PPP2R3A: variants seen among roughly 807,000 people sequenced by gnomAD.
The protein encoded by PPP2R3A is protein phosphatase 2 regulatory subunit B''alpha.
Under a neutral mutation model 106.9 loss-of-function variants are expected in PPP2R3A, and 80 were observed. That is an observed-to-expected ratio of 0.75 (90% CI 0.62 to 0.90). The LOEUF (loss-of-function observed/expected upper bound fraction) is 0.90, where lower values mean the gene tolerates loss of function less well. Among genes scored for constraint, PPP2R3A ranks in the 40% least tolerant of loss-of-function variants. The pLI, the probability that PPP2R3A is intolerant of heterozygous loss-of-function variation, is 0.00. For synonymous variants in PPP2R3A, 483 were observed against 468.3 expected (o/e 1.03, Z -0.41); for missense variants, 1,386 against 1,350.4 (o/e 1.03, Z -0.41).
At chr3:136,105,319 T>C (rs1020019841) in intron 12 of PPP2R3A, among the ~76,000 whole-genome samples, 9 of 152,224 alleles carry the variant, frequency 5.9e-5, no homozygotes, top group African/African-American at 2.2e-4. Context: ...GAAATGTCTC[T>C]GATTACAAGG....
chr3:136,026,788 A>G, intron 2 of PPP2R3A, 44 bp from the exon 3 acceptor site: 1 of 1,516,238 alleles, frequency 6.6e-7, no homozygotes, highest in South Asian at 1.3e-5. Context: ...GTAAATGAAT[A>G]CTGTTTAAAT....
intron 2 of PPP2R3A, among the ~76,000 whole-genome samples, chr3:136,005,009 G>A (rs549086467): frequency 6.6e-6 from 1 of 152,256 alleles, no homozygotes; most frequent in South Asian, 2.1e-4. Context: ...ATTGTCATCA[G>A]ATGAATCTTT....
chr3:135,987,189 A>G (rs1356216492), intron 1 of PPP2R3A, among the ~76,000 whole-genome samples: 1 of 152,178 alleles, frequency 6.6e-6, no homozygotes, highest in Non-Finnish European at 1.5e-5. Context: ...TTGTATACTA[A>G]CAAGTTAGTA....
At chr3:136,099,309 A>G (rs1937297649) in intron 10 of PPP2R3A, among the ~76,000 whole-genome samples, 1 of 152,216 alleles carries the variant, frequency 6.6e-6, no homozygotes, top group African/African-American at 2.4e-5. Flanking sequence ...GAGGATCACT[A>G]GATACCTGAG....
rs1337965969 is a variant in PPP2R3A, at chr3:136,102,142, A to G, written c.3063A>G (p.Leu1021=). 1 of 1,613,712 alleles carries G rather than the reference A, an allele frequency of 6.2e-7. No individual in the cohort carries two copies. Among genetic ancestry groups the G allele is most frequent in the Non-Finnish European group, 8.5e-7 (1 of 1,179,994 alleles). Reference sequence around the variant, plus strand: ...TTGAGCCCTTGCCATTCCATGATTTACTGTGCCAGATGCTTGACCTAGTGA... The same window carrying G: ...TTGAGCCCTTGCCATTCCATGATTTGCTGTGCCAGATGCTTGACCTAGTGA... The part of the protein sequence containing the change: ...MGIEPLPFHD[L]LCQMLDLVKP... The change falls in exon 11 of 14, where the codon TTA becomes TTG. Residue 1021 remains leucine (L), a synonymous_variant. Transcript: ENST00000264977.
intron 4 of PPP2R3A, among the ~76,000 whole-genome samples, chr3:136,041,262 GT>G (rs71157355): frequency 0.017 from 1,674 of 96,534 alleles, 210 homozygotes; most frequent in African/African-American, 0.059. Context: ...TTTTTTTTTT[GT>G]TTTTTTTTTT....
At chr3:136,097,029 T>G (rs1256878730) in intron 10 of PPP2R3A, among the ~76,000 whole-genome samples, 2 of 152,238 alleles carry the variant, frequency 1.3e-5, no homozygotes, top group African/African-American at 2.4e-5. Context: ...TAATTTGTCA[T>G]TAATATCATT....
rs1462235905 is a variant in PPP2R3A, at chr3:136,003,083, G to C, written c.1585G>C (p.Glu529Gln). ...ACAGAAGATGGAGACCTCTCTAAGA[G>C]AGCCACTTGCGAAGGGTAAAAACTC... ...FSQKMETSLR[E>Q]PLAKGKNSNF... The change falls in exon 2 of 14, where the codon GAG (glutamate) becomes CAG (glutamine). Residue 529 changes from glutamate to glutamine, a missense_variant. Transcript: ENST00000264977. 6.2e-7 allele frequency: 1 copy of C among 1,611,262 alleles called. No homozygotes were observed. The highest frequency in any genetic ancestry group is 8.5e-7 in the Non-Finnish European group (1 of 1,179,322).
In PPP2R3A at chr3:135,970,757, A is replaced by G. The variant is rs529035218; in HGVS notation, c.-441+4908A>G. On this transcript the variant is annotated intron_variant, in intron 1 of 13. Transcript: ENST00000264977. Reference sequence around the variant, plus strand: ...CTTACATGCCTACAATGTAGGTGTTAGTCTGTTGGTTACTCAAACATTTCT... The same window carrying G: ...CTTACATGCCTACAATGTAGGTGTTGGTCTGTTGGTTACTCAAACATTTCT... Among the ~76,000 whole-genome samples the G allele has an allele frequency of 2.6e-5, 4 of 152,308 alleles. No individual in the cohort carries two copies. In the South Asian group the frequency reaches 8.3e-4, roughly 32 times the overall value.
chr3:136,015,814 A>G (rs1261004455), intron 2 of PPP2R3A, among the ~76,000 whole-genome samples: 1 of 151,278 alleles, frequency 6.6e-6, no homozygotes, highest in Non-Finnish European at 1.5e-5. Flanking sequence ...TTTGAATTTC[A>G]TTTAGTTCTG....
At chr3:136,135,475 G>A (rs151085294) in intron 13 of PPP2R3A, among the ~76,000 whole-genome samples, 1 of 152,146 alleles carries the variant, frequency 6.6e-6, no homozygotes, top group Non-Finnish European at 1.5e-5. Flanking sequence ...AAGAATCACA[G>A]ATATGTCAGG....
At chr3:136,027,779 A>G (rs1576444972) in intron 3 of PPP2R3A, among the ~76,000 whole-genome samples, 2 of 152,310 alleles carry the variant, frequency 1.3e-5, no homozygotes, top group East Asian at 3.9e-4. Context: ...TTATGCATAA[A>G]TATTGAAGAG....
chr3:136,037,661 A>G (rs1271656985), intron 3 of PPP2R3A, among the ~76,000 whole-genome samples: 1 of 152,244 alleles, frequency 6.6e-6, no homozygotes, highest in East Asian at 1.9e-4. Context: ...GATCACGTGA[A>G]GGCCAAATGA....
At chr3:136,076,531 G>A (rs1259791956) in intron 6 of PPP2R3A, among the ~76,000 whole-genome samples, 1 of 152,200 alleles carries the variant, frequency 6.6e-6, no homozygotes, top group Non-Finnish European at 1.5e-5. Flanking sequence ...ACTCTGAGTA[G>A]AGTTCTTCAA....
intron 13 of PPP2R3A, among the ~76,000 whole-genome samples, chr3:136,111,942 A>G (rs1937598276): frequency 6.6e-6 from 1 of 152,182 alleles, no homozygotes; most frequent in Admixed American, 6.5e-5. Context: ...AAGCTAATCC[A>G]CCACAATCAT....
At chr3:136,048,040 C>T (rs1283888193) in intron 4 of PPP2R3A, among the ~76,000 whole-genome samples, 1 of 152,070 alleles carries the variant, frequency 6.6e-6, no homozygotes, top group Non-Finnish European at 1.5e-5. Flanking sequence ...ATACTCCAGA[C>T]CTCTACATCA....
rs1017868716 is a variant in PPP2R3A at position 136,071,341 on chromosome 3, A to T, written c.2544+789A>T. 2.7e-4 allele frequency among the ~76,000 whole-genome samples: 41 copies of T among 152,220 alleles called. 1 individual carries two copies. Among genetic ancestry groups the T allele is most frequent in the African/African-American group, 9.9e-4 (41 of 41,450 alleles). ...GTTAGGTCCTGCCGAGTTACAAAATACTACTGTTTTCTTTTTCTCCTGTAG... is the reference window on the plus strand; with the variant it reads ...GTTAGGTCCTGCCGAGTTACAAAATTCTACTGTTTTCTTTTTCTCCTGTAG... On this transcript the variant is annotated intron_variant, in intron 6 of 13. Coordinates refer to ENST00000264977, the MANE Select transcript of PPP2R3A (RefSeq NM_002718.5).
intron 1 of PPP2R3A, among the ~76,000 whole-genome samples, chr3:135,973,180 T>G (rs1199918357): frequency 6.6e-6 from 1 of 152,250 alleles, no homozygotes; most frequent in Non-Finnish European, 1.5e-5. Flanking sequence ...CATAATTTGT[T>G]GAAAGAGCTG....
intron 13 of PPP2R3A, among the ~76,000 whole-genome samples, chr3:136,117,461 A>C (rs1937814487): frequency 6.6e-6 from 1 of 152,182 alleles, no homozygotes; most frequent in Non-Finnish European, 1.5e-5. Context: ...TTTTGAAAAA[A>C]TCAACAAAAT....
Sources: allele counts gnomAD v4.1 joint callset (sites outside exome capture counted in the v4.1 genomes callset), GRCh38; gene constraint gnomAD v4.1.1; transcripts MANE v1.5; gene names NCBI Gene and HGNC (gene_info 2026-07-23, HGNC 2026-07-21).